SUGP1: variants seen among roughly 807,000 people sequenced by gnomAD.
The protein encoded by SUGP1 is SURP and G-patch domain-containing protein 1.
SUGP1 carries 34 observed loss-of-function variants against 76.5 expected under a neutral mutation model. The ratio of observed to expected loss-of-function variants is 0.44; its 90% CI spans 0.34 to 0.59. The LOEUF (loss-of-function observed/expected upper bound fraction) is 0.59. Ranked by LOEUF, SUGP1 falls within the 20% of genes least tolerant of loss-of-function variation. The pLI is 0.01. For synonymous variants in SUGP1, 326 were observed against 326.2 expected, an observed-to-expected ratio of 1.00 and a Z score of 0.01; for missense variants, 752 against 851.7, an observed-to-expected ratio of 0.88 and a Z score of 1.46.
rs781222533 is a variant in SUGP1 at position 19,303,797 on chromosome 19, G to A, written c.589C>T (p.Arg197Cys). 19 of 1,614,122 alleles carry A rather than the reference G, an allele frequency of 1.2e-5. No homozygotes were observed. Among genetic ancestry groups the A allele is most frequent in the Admixed American group, 3.3e-5 (2 of 60,006 alleles). The change falls in exon 5 of 14, where the codon CGC becomes TGC. Residue 197 changes from arginine (R) to cysteine (C), a missense_variant. Physicochemically the swap from Arg to Cys is radical, Grantham distance 180. This residue lies in a region of SUGP1 where 620 missense variants were observed against 617.3 expected (regional missense o/e 1.00). Coordinates refer to ENST00000247001, the MANE Select transcript of SUGP1 (RefSeq NM_172231.4). Reference sequence around the variant, plus strand: ...TCGGGGCCTCCTTCTGCCACAAAGCGGGCCAATTTCTCTATCACTTTCCGA... The same window carrying A: ...TCGGGGCCTCCTTCTGCCACAAAGCAGGCCAATTTCTCTATCACTTTCCGA... ...ETRKVIEKLA[R>C]FVAEGGPELE...
In SUGP1 at chr19:19,316,296, T is replaced by C. The variant is rs553427687; in HGVS notation, c.206+126A>G. 1.1e-5 allele frequency: 13 copies of C among 1,231,554 alleles called. No homozygotes were observed. In the South Asian group the frequency reaches 2.0e-4, roughly 19 times the overall value. The allele number at this position is 1,231,554 out of a possible 1,614,324, so 76.3% of individuals were successfully genotyped here. Reference sequence around the variant, plus strand: ...GAGCCTCCCAAGGGCATCTGGGTCATTCCTTGGATCATCAGGCTATGGCTG... The same window carrying C: ...GAGCCTCCCAAGGGCATCTGGGTCACTCCTTGGATCATCAGGCTATGGCTG... On this transcript the variant is annotated intron_variant, in intron 2 of 13. Coordinates refer to ENST00000247001, the MANE Select transcript of SUGP1 (RefSeq NM_172231.4).
chr19:19,291,712 A>AC (rs1202100991), intron 8 of SUGP1, among the ~76,000 whole-genome samples: 2 of 151,782 alleles, frequency 1.3e-5, no homozygotes, highest in African/African-American at 4.8e-5. Context: ...ACACAGTGAA[A>AC]CCCCGTCTCT....
At chr19:19,307,659 T>TC (rs2061326898) in intron 3 of SUGP1, among the ~76,000 whole-genome samples, 1 of 145,428 alleles carries the variant, frequency 6.9e-6, no homozygotes, top group African/African-American at 2.5e-5. Flanking sequence ...GGTATTTTTC[T>TC]TTTTTTTTTT....
At position 19,308,853 on chromosome 19, in the gene SUGP1, A is replaced by G. The variant is rs905812636; in HGVS notation, c.310+1244T>C. Among the ~76,000 whole-genome samples the G allele has an allele frequency of 6.7e-4, 98 of 146,660 alleles. 2 individuals are homozygous for G. The highest frequency in any genetic ancestry group is 2.1e-4 in the Non-Finnish European group (14 of 67,338). On this transcript the variant is annotated intron_variant, in intron 3 of 13. Coordinates refer to ENST00000247001, the MANE Select transcript of SUGP1 (RefSeq NM_172231.4). ...TAAGCACATTGAGTGCAGGGTCTACATTTGCCCCCTTGGTAATTTTTTTTT... is the reference window on the plus strand; with the variant it reads ...TAAGCACATTGAGTGCAGGGTCTACGTTTGCCCCCTTGGTAATTTTTTTTT...
At position 19,276,264 on chromosome 19, in the gene SUGP1, TG is replaced by T; in HGVS notation, c.*383del. 5.1e-6 allele frequency: 1 copy of T among 197,738 alleles called. No individual in the cohort carries two copies. Among genetic ancestry groups the T allele is most frequent in the South Asian group, 9.3e-5 (1 of 10,698 alleles). The allele number at this position is 197,738 out of a possible 1,614,324, so 12.2% of individuals were successfully genotyped here. A position where few individuals can be genotyped will look rare whatever the true frequency, so the allele number is the denominator to read the frequency against. ...CAGGATTTCACCATGTTGGCCAGGC[TG>T]GTCTTAAACTCCTGACCTCCAGTGA... On this transcript the variant is annotated 3_prime_UTR_variant, in exon 14 of 14. Transcript: ENST00000247001.
rs1395454257 is a variant in SUGP1 at position 19,292,240 on chromosome 19, T to C, written c.1243+4749A>G. ...GGGAGCCGAGATTGCACGACTGCAC[T>C]CCAGCCAGGGTGACAGAGTGAGACT... On this transcript the variant is annotated intron_variant, in intron 8 of 13. Transcript: ENST00000247001. 5.2e-5 allele frequency among the ~76,000 whole-genome samples: 7 copies of C among 135,626 alleles called. No individual in the cohort carries two copies. The South Asian group carries it at 1.6e-3, about 31-fold the overall frequency. The allele number at this position is 135,626 out of a possible 152,430, so 89.0% of individuals were successfully genotyped here. A position where few individuals can be genotyped will look rare whatever the true frequency, so the allele number is the denominator to read the frequency against.
Position 19,276,424 on chromosome 19 carries a change from C to T in SUGP1, c.*224G>A, listed in dbSNP as rs1282131809. On this transcript the variant is annotated 3_prime_UTR_variant, in exon 14 of 14. Coordinates refer to ENST00000247001, the MANE Select transcript of SUGP1 (RefSeq NM_172231.4). ...AACCCAGGCTGAGCGGGGATGGAGACTCCACAGGCCAATAAGGAGAGCCCC... is the reference window on the plus strand; with the variant it reads ...AACCCAGGCTGAGCGGGGATGGAGATTCCACAGGCCAATAAGGAGAGCCCC... The T allele has an allele frequency of 8.9e-6, 5 of 560,138 alleles. No homozygotes were observed. Among genetic ancestry groups the T allele is most frequent in the Non-Finnish European group, 1.6e-5 (5 of 312,392 alleles). 34.7% of individuals were successfully genotyped at this position (560,138 alleles called of 1,614,324 possible).
intron 3 of SUGP1, among the ~76,000 whole-genome samples, chr19:19,306,516 C>T (rs2061319067): frequency 6.6e-6 from 1 of 152,224 alleles, no homozygotes; most frequent in South Asian, 2.1e-4. Flanking sequence ...GGACTCAAAC[C>T]AGCCTTCCTC....
At chr19:19,289,508 G>A (rs551781661) in intron 8 of SUGP1, among the ~76,000 whole-genome samples, 152 of 152,256 alleles carry the variant, frequency 1.0e-3, no homozygotes, top group Non-Finnish European at 1.6e-3. Context: ...AGCACTTTGG[G>A]AGGCTGAGGC....
intron 4 of SUGP1, among the ~76,000 whole-genome samples, chr19:19,305,248 GGT>G (rs2061307555): frequency 2.6e-5 from 4 of 152,168 alleles, no homozygotes; most frequent in African/African-American, 9.7e-5. Context: ...ACACAGTTCA[GGT>G]GTCACAGGGA....
At chr19:19,277,193 T>G in intron 12 of SUGP1, 117 bp from the exon 13 acceptor site, 1 of 1,054,204 alleles carries the variant, frequency 9.5e-7, no homozygotes, top group South Asian at 1.5e-5. Context: ...CTGGGACATA[T>G]CTGCACAGAG....
At chr19:19,295,634 C>G (rs982809215) in intron 8 of SUGP1, among the ~76,000 whole-genome samples, 2 of 147,338 alleles carry the variant, frequency 1.4e-5, no homozygotes, top group African/African-American at 5.0e-5. Flanking sequence ...AAAAAAGAAC[C>G]CGACGGCAGA....
At position 19,320,506 on chromosome 19, in the gene SUGP1, C is replaced by T; in HGVS notation, c.-10G>A. The T allele has an allele frequency of 6.2e-7, 1 of 1,610,020 alleles. No homozygotes were observed. On this transcript the variant is annotated 5_prime_UTR_variant, in exon 1 of 14. It adds an upstream start codon to the 5' untranslated region. Transcript: ENST00000247001. ...CCATCTTGAGACTCATCCAATCCCA[C>T]AATGCTCCGGCGCCCCTTAAGGGGC... is the stretch of plus-strand genomic sequence containing the variant.
intron 8 of SUGP1, among the ~76,000 whole-genome samples, chr19:19,294,525 A>C (rs1012195922): frequency 2.0e-5 from 3 of 151,300 alleles, no homozygotes; most frequent in Non-Finnish European, 3.0e-5. Context: ...AAAAAAAAAA[A>C]AACCCAAAAT....
At position 19,276,052 on chromosome 19, in the gene SUGP1, T is replaced by G; in HGVS notation, c.*596A>C. The G allele has an allele frequency of 6.6e-6, 1 of 152,234 alleles. No individual in the cohort carries two copies. Among genetic ancestry groups the G allele is most frequent in the Non-Finnish European group, 1.5e-5 (1 of 68,266 alleles). 9.4% of individuals were successfully genotyped at this position (152,234 alleles called of 1,614,324 possible). Reference sequence around the variant, plus strand: ...CCCAGGTGTGGCCAAGTCTCCAGCTTTATTATTATTATTATTATTTGAGAC... The same window carrying G: ...CCCAGGTGTGGCCAAGTCTCCAGCTGTATTATTATTATTATTATTTGAGAC... On this transcript the variant is annotated 3_prime_UTR_variant, in exon 14 of 14. Transcript: ENST00000247001.
At chr19:19,315,390 T>G (rs2061386130) in intron 2 of SUGP1, among the ~76,000 whole-genome samples, 1 of 151,438 alleles carries the variant, frequency 6.6e-6, no homozygotes, top group African/African-American at 2.4e-5. Context: ...TAACACACTC[T>G]ACACTCCAGA....
At chr19:19,315,978 C>T (rs951596309) in intron 2 of SUGP1, among the ~76,000 whole-genome samples, 27 of 152,018 alleles carry the variant, frequency 1.8e-4, no homozygotes, top group Admixed American at 1.8e-3. Context: ...ACTACAGGCA[C>T]GTGCCACAAT....
chr19:19,310,918 C>T (rs1184413334), intron 2 of SUGP1, among the ~76,000 whole-genome samples: 1 of 152,156 alleles, frequency 6.6e-6, no homozygotes, highest in Non-Finnish European at 1.5e-5. Flanking sequence ...GTTGGGATTA[C>T]AGGTGTGAGC....
rs1256651935 is a variant in SUGP1, at chr19:19,306,083, T to C, written c.311-7A>G. On this transcript the variant is annotated splice_region_variant and splice_polypyrimidine_tract_variant and intron_variant, in intron 3 of 13. Coordinates refer to ENST00000247001, the MANE Select transcript of SUGP1 (RefSeq NM_172231.4). ...GGCGCACTGGTCGGGGCGTCTGGTATAGAAGGAAGGATATGCGCACTCGGG... is the reference window on the plus strand; with the variant it reads ...GGCGCACTGGTCGGGGCGTCTGGTACAGAAGGAAGGATATGCGCACTCGGG... 4.4e-6 allele frequency: 7 copies of C among 1,574,622 alleles called. No homozygotes were observed. Among genetic ancestry groups the C allele is most frequent in the Non-Finnish European group, 6.0e-6 (7 of 1,160,386 alleles).
Sources: allele counts gnomAD v4.1 joint callset (sites outside exome capture counted in the v4.1 genomes callset), GRCh38; gene constraint gnomAD v4.1.1; regional missense constraint gnomAD v4.1.1; transcripts MANE v1.5; gene names NCBI Gene and HGNC (gene_info 2026-07-23, HGNC 2026-07-21).